The following SMG6 variants were observed in gnomAD, a reference collection of about 807,000 sequenced individuals.
The protein encoded by SMG6 is telomerase-binding protein EST1A.
In SMG6, 66 loss-of-function variants were observed where a neutral mutation model predicts 142.2. That is an observed-to-expected ratio of 0.46 (90% CI 0.38 to 0.57). SMG6 has a LOEUF of 0.57. Among genes scored for constraint, SMG6 ranks in the 20% least tolerant of loss-of-function variants. The probability of loss-of-function intolerance (pLI) is 0.00; values close to 1 mark genes in which losing one functional copy is unlikely to be tolerated. For synonymous variants in SMG6, 779 were observed against 702.4 expected, an observed-to-expected ratio of 1.11 and a Z score of -1.72; for missense variants, 1,793 against 1,832.0, an observed-to-expected ratio of 0.98 and a Z score of 0.39.
intron 13 of SMG6, among the ~76,000 whole-genome samples, chr17:2,131,069 A>G (rs2151546753): frequency 6.6e-6 from 1 of 152,318 alleles, no homozygotes; most frequent in Middle Eastern, 3.4e-3. Context: ...CCACCAAATT[A>G]TAAGCTCTGG....
At chr17:2,267,674 T>C (rs191780778) in intron 8 of SMG6, among the ~76,000 whole-genome samples, 171 of 152,116 alleles carry the variant, frequency 1.1e-3, no homozygotes, top group Non-Finnish European at 2.1e-3. Flanking sequence ...GCTTGTGCTA[T>C]CCAGAGAGAA....
chr17:2,160,391 G>C (rs1401273977), intron 13 of SMG6, among the ~76,000 whole-genome samples: 2 of 152,018 alleles, frequency 1.3e-5, no homozygotes, highest in African/African-American at 2.4e-5. Flanking sequence ...GTTAATTTTT[G>C]TATTTTTAGT....
chr17:2,171,780 C>T (rs2071511055), intron 13 of SMG6, among the ~76,000 whole-genome samples: 1 of 147,434 alleles, frequency 6.8e-6, no homozygotes, highest in Non-Finnish European at 1.5e-5. Flanking sequence ...GTATATACTT[C>T]ATGTAGGTCA....
chr17:2,079,202 G>T (rs1006352600), intron 15 of SMG6, among the ~76,000 whole-genome samples: 1 of 152,052 alleles, frequency 6.6e-6, no homozygotes, highest in African/African-American at 2.4e-5. Context: ...GATCTCAAAT[G>T]ATCCACCCAC....
At chr17:2,239,842 A>G (rs1056308984) in intron 9 of SMG6, among the ~76,000 whole-genome samples, 3 of 152,252 alleles carry the variant, frequency 2.0e-5, no homozygotes, top group African/African-American at 7.2e-5. Context: ...CAAAATAAAT[A>G]TATCAGTCTT....
intron 10 of SMG6, among the ~76,000 whole-genome samples, chr17:2,192,676 T>C (rs1232581619): frequency 6.6e-6 from 1 of 152,162 alleles, no homozygotes; most frequent in East Asian, 1.9e-4. Flanking sequence ...AGGCTGCTTT[T>C]CTCATGAGTC....
At chr17:2,258,062 C>CACACACATATATATAT (rs1555567108) in intron 8 of SMG6, among the ~76,000 whole-genome samples, 19 of 120,314 alleles carry the variant, frequency 1.6e-4, no homozygotes, top group African/African-American at 3.9e-4. Flanking sequence ...CACACACACA[C>CACACACATATATATAT]ACACATATAT....
chr17:2,225,323 A>C (rs995552894), intron 10 of SMG6, among the ~76,000 whole-genome samples: 14 of 144,218 alleles, frequency 9.7e-5, no homozygotes, highest in African/African-American at 4.0e-4. Context: ...CTAAAAATAC[A>C]AAAAAAAGAA....
At chr17:2,065,720 C>A in intron 16 of SMG6, 41 bp from the exon 17 acceptor site, 1 of 1,534,356 alleles carries the variant, frequency 6.5e-7, no homozygotes. Flanking sequence ...CCTCAGCAAT[C>A]AGCTTTCATC....
At chr17:2,062,223 G>A (rs1369927898) in intron 18 of SMG6, 1 of 152,598 alleles carries the variant, frequency 6.6e-6, no homozygotes, top group Non-Finnish European at 1.5e-5. Flanking sequence ...CCCCTGCTAA[G>A]TAACAGTAAT....
Position 2,303,659 on chromosome 17 carries a change from G to T in SMG6, c.62C>A (p.Thr21Asn). 1 of 1,491,988 alleles carries T rather than the reference G, an allele frequency of 6.7e-7. No individual in the cohort carries two copies. Among genetic ancestry groups the T allele is most frequent in the Non-Finnish European group, 8.9e-7 (1 of 1,127,498 alleles). The allele number at this position is 1,491,988 out of a possible 1,614,324, so 92.4% of individuals were successfully genotyped here. A position where few individuals can be genotyped will look rare whatever the true frequency, so the allele number is the denominator to read the frequency against. The change falls in exon 1 of 19, where the codon ACT (threonine) becomes AAT (asparagine). Residue 21 changes from threonine (T) to asparagine (N), a missense_variant. This residue lies in a region of SMG6 where 1,597 missense variants were observed against 1,584.6 expected (regional missense o/e 1.01). Transcript: ENST00000263073. ...SASELRGILA[T>N]LAPQAGSREN... The stretch of plus-strand genomic sequence containing the variant: ...TCTGCTCCCGGCCTGCGGGGCCAGA[G>T]TAGCCAGGATCCCGCGCAGCTCCGA...
intron 15 of SMG6, among the ~76,000 whole-genome samples, chr17:2,077,562 G>T (rs903450281): frequency 2.6e-5 from 4 of 152,244 alleles, no homozygotes; most frequent in African/African-American, 9.6e-5. Flanking sequence ...GAAGGTGGGT[G>T]TCACTGTCCA....
intron 8 of SMG6, among the ~76,000 whole-genome samples, chr17:2,251,802 G>C (rs559430555): frequency 6.6e-6 from 1 of 152,146 alleles, no homozygotes; most frequent in Non-Finnish European, 1.5e-5. Flanking sequence ...ACTGGCACCA[G>C]GTATAAAGAA....
At chr17:2,066,687 A>ACACACACACACACACG in intron 16 of SMG6, among the ~76,000 whole-genome samples, 1 of 150,802 alleles carries the variant, frequency 6.6e-6, no homozygotes, top group Non-Finnish European at 1.5e-5. Flanking sequence ...ACACACACAC[A>ACACACACACACACACG]CACACACAAT....
At chr17:2,261,337 G>A (rs1221011553) in intron 8 of SMG6, among the ~76,000 whole-genome samples, 1 of 151,530 alleles carries the variant, frequency 6.6e-6, no homozygotes, top group Non-Finnish European at 1.5e-5. Flanking sequence ...GGGAAGAGAA[G>A]AATGACAGCG....
At chr17:2,286,546 C>G (rs2074909233) in intron 6 of SMG6, among the ~76,000 whole-genome samples, 1 of 152,032 alleles carries the variant, frequency 6.6e-6, no homozygotes, top group African/African-American at 2.4e-5. Flanking sequence ...AATGTAATAA[C>G]CACATGTAAA....
rs964371886 is a variant in SMG6, at chr17:2,255,265, G to A, written c.2662-10546C>T. ...TAAAAATACAAAAAATTAGCCGGGCGTGGTGGCGGGCGCCTGTAGTCCCAG... is the reference window on the plus strand; with the variant it reads ...TAAAAATACAAAAAATTAGCCGGGCATGGTGGCGGGCGCCTGTAGTCCCAG... On this transcript the variant is annotated intron_variant, in intron 8 of 18. Transcript: ENST00000263073. Among the ~76,000 whole-genome samples, 13 of 151,060 alleles carry A rather than the reference G, an allele frequency of 8.6e-5. No homozygotes were observed. In the East Asian group the frequency reaches 9.8e-4, roughly 11 times the overall value.
intron 8 of SMG6, among the ~76,000 whole-genome samples, chr17:2,258,840 A>C (rs2074251652): frequency 2.0e-5 from 3 of 151,306 alleles, no homozygotes; most frequent in Non-Finnish European, 2.9e-5. Context: ...TCACACCTGC[A>C]ATTCCAGCAT....
At chr17:2,143,984 C>CT (rs1379694226) in intron 13 of SMG6, among the ~76,000 whole-genome samples, 1 of 149,954 alleles carries the variant, frequency 6.7e-6, no homozygotes, top group Non-Finnish European at 1.5e-5. Context: ...AACTCCTGGA[C>CT]TTAAGGGATC....
Sources: allele counts gnomAD v4.1 joint callset (sites outside exome capture counted in the v4.1 genomes callset), GRCh38; gene constraint gnomAD v4.1.1; regional missense constraint gnomAD v4.1.1; transcripts MANE v1.5; gene names NCBI Gene and HGNC (gene_info 2026-07-23, HGNC 2026-07-21).